Variants in WWOX observed in about 807,000 individuals in gnomAD.
WWOX encodes the protein WW domain-containing oxidoreductase.
WWOX carries 69 observed loss-of-function variants against 46.2 expected under a neutral mutation model. The observed-to-expected ratio is 1.49, with a 90% CI of 1.23 to 1.82. The LOEUF (loss-of-function observed/expected upper bound fraction) is 1.82, where lower values mean the gene tolerates loss of function less well. WWOX is among the 40% of genes most tolerant of loss of function. The pLI is 0.00. For missense variants in WWOX, 919 were observed against 542.6 expected (o/e 1.69, Z -6.89); for synonymous variants, 359 against 202.6 (o/e 1.77, Z -6.56).
At chr16:79,161,023 C>T (rs752898143) in intron 8 of WWOX, among the ~76,000 whole-genome samples, 5 of 152,302 alleles carry the variant, frequency 3.3e-5, no homozygotes, top group Non-Finnish European at 7.3e-5. Flanking sequence ...ACTACAATTT[C>T]CATTACTCTG....
chr16:79,107,542 T>C lies in WWOX; in HGVS notation c.1057-104066T>C, dbSNP rs797005364. 6.6e-5 allele frequency among the ~76,000 whole-genome samples: 10 copies of C among 152,370 alleles called. 1 individual carries two copies. Among genetic ancestry groups the C allele is most frequent in the African/African-American group, 2.4e-4 (10 of 41,580 alleles). On this transcript the variant is annotated intron_variant, in intron 8 of 8. Transcript: ENST00000566780. ...GAAATGACTGCCTTTTCACTTTTTA[T>C]CTTTTGGATAGCCCAAAGACCAGCC... is the stretch of plus-strand genomic sequence containing the variant.
intron 8 of WWOX, among the ~76,000 whole-genome samples, chr16:78,955,676 G>T (rs1442050972): frequency 2.0e-5 from 3 of 150,144 alleles, no homozygotes; most frequent in Non-Finnish European, 4.4e-5. Flanking sequence ...TTTGAGACAG[G>T]GTCTTGCTCT....
intron 8 of WWOX, among the ~76,000 whole-genome samples, chr16:78,799,235 T>A (rs1408368571): frequency 6.6e-6 from 1 of 152,194 alleles, no homozygotes; most frequent in Non-Finnish European, 1.5e-5. Flanking sequence ...CATCTGGAGT[T>A]AGGCTTGTGT....
chr16:78,402,271 T>C (rs548757143), intron 6 of WWOX, among the ~76,000 whole-genome samples: 1 of 152,324 alleles, frequency 6.6e-6, no homozygotes, highest in South Asian at 2.1e-4. Context: ...CTTAGCATAA[T>C]GTTCTAGAGG....
chr16:78,161,197 T>G (rs569468831), intron 4 of WWOX, among the ~76,000 whole-genome samples: 36 of 152,310 alleles, frequency 2.4e-4, no homozygotes, highest in Non-Finnish European at 4.1e-4. Context: ...CATTCTTTTT[T>G]AAGGACAGTA....
At chr16:78,843,782 T>G (rs1368738701) in intron 8 of WWOX, among the ~76,000 whole-genome samples, 5 of 152,186 alleles carry the variant, frequency 3.3e-5, no homozygotes, top group Non-Finnish European at 4.4e-5. Flanking sequence ...CAAAAGCAAT[T>G]TATTATGTTT....
At chr16:78,101,268 C>G (rs1009151667) in intron 1 of WWOX, among the ~76,000 whole-genome samples, 1 of 149,948 alleles carries the variant, frequency 6.7e-6, no homozygotes, top group Non-Finnish European at 1.5e-5. Flanking sequence ...AGGATGGTCT[C>G]GATCTCCTGA....
chr16:78,305,460 A>G (rs1245266386), intron 5 of WWOX, among the ~76,000 whole-genome samples: 2 of 152,158 alleles, frequency 1.3e-5, no homozygotes, highest in African/African-American at 2.4e-5. Context: ...ATGTGGAGGA[A>G]GAACTCTTCC....
intron 5 of WWOX, among the ~76,000 whole-genome samples, chr16:78,293,978 GAAAAAAA>G (rs35079271): frequency 5.6e-4 from 17 of 30,318 alleles, no homozygotes; most frequent in Non-Finnish European, 9.4e-4. Context: ...CTCTGTCTCA[GAAAAAAA>G]AAAAAAAAAA....
At chr16:78,864,105 T>C (rs1301856510) in intron 8 of WWOX, among the ~76,000 whole-genome samples, 2 of 152,192 alleles carry the variant, frequency 1.3e-5, no homozygotes, top group African/African-American at 4.8e-5. Flanking sequence ...TTCTTAGGGA[T>C]ATGTATTTAT....
At chr16:78,104,342 C>T (rs111363357) in intron 1 of WWOX, among the ~76,000 whole-genome samples, 12 of 126,632 alleles carry the variant, frequency 9.5e-5, no homozygotes, top group South Asian at 2.5e-4. Context: ...CACGCACGCA[C>T]GCACGCATGC....
intron 8 of WWOX, among the ~76,000 whole-genome samples, chr16:78,656,004 T>C (rs977169824): frequency 1.3e-5 from 2 of 152,100 alleles, no homozygotes; most frequent in African/African-American, 4.8e-5. Context: ...AAACACAACA[T>C]TGAGTGAGGT....
At chr16:78,769,101 G>A (rs769824079) in intron 8 of WWOX, among the ~76,000 whole-genome samples, 2 of 152,202 alleles carry the variant, frequency 1.3e-5, no homozygotes, top group Non-Finnish European at 2.9e-5. Flanking sequence ...TAAGGCTCTG[G>A]CATTTGATAG....
chr16:78,979,661 T>G (rs886476973), intron 8 of WWOX, among the ~76,000 whole-genome samples: 1 of 152,146 alleles, frequency 6.6e-6, no homozygotes, highest in South Asian at 2.1e-4. Context: ...TCTAAGACAA[T>G]GATCAGTACC....
intron 5 of WWOX, among the ~76,000 whole-genome samples, chr16:78,332,057 T>C (rs953234730): frequency 6.6e-6 from 1 of 152,118 alleles, no homozygotes; most frequent in Admixed American, 6.5e-5. Context: ...GATTACTGTT[T>C]CTCTGTTGAG....
At chr16:78,296,091 A>G (rs1371603002) in intron 5 of WWOX, among the ~76,000 whole-genome samples, 2 of 152,182 alleles carry the variant, frequency 1.3e-5, no homozygotes, top group Non-Finnish European at 2.9e-5. Flanking sequence ...TTGCTTTAAA[A>G]CTAGCTCTTC....
At chr16:78,546,123 G>A (rs549679689) in intron 8 of WWOX, among the ~76,000 whole-genome samples, 33 of 152,200 alleles carry the variant, frequency 2.2e-4, no homozygotes, top group African/African-American at 7.7e-4. Context: ...GAAGAAAGAC[G>A]GTCTTTAAAG....
intron 8 of WWOX, among the ~76,000 whole-genome samples, chr16:78,886,674 A>T (rs886405767): frequency 1.3e-4 from 19 of 148,798 alleles, no homozygotes; most frequent in Non-Finnish European, 2.4e-4. Context: ...TATATATATG[A>T]AGGGAGAAAT....
chr16:79,073,643 C>G (rs1278068986), intron 8 of WWOX, among the ~76,000 whole-genome samples: 1 of 152,050 alleles, frequency 6.6e-6, no homozygotes, highest in Non-Finnish European at 1.5e-5. Flanking sequence ...AATAAAATAC[C>G]TAATTTTCAA....
Sources: gnomAD v4.1 joint callset for allele counts (sites outside exome capture counted in the v4.1 genomes callset) on GRCh38, gnomAD v4.1.1 for gene constraint, MANE v1.5 for transcripts, NCBI Gene and HGNC (gene_info 2026-07-23, HGNC 2026-07-21) for gene names.